Variants in ALK observed in about 807,000 individuals in gnomAD.
ALK encodes ALK receptor tyrosine kinase.
A neutral mutation model predicts 163.1 loss-of-function variants in ALK; 74 were observed. The observed-to-expected ratio is 0.45, with a 90% CI of 0.38 to 0.55. ALK has a LOEUF of 0.55. Ranked by LOEUF, ALK falls within the 20% of genes least tolerant of loss-of-function variation. The pLI is 0.00. For synonymous variants in ALK, 960 were observed against 843.2 expected (o/e 1.14, Z -2.40); for missense variants, 2,063 against 2,105.3 (o/e 0.98, Z 0.39).
At chr2:29,284,854 G>A (rs558415888) in intron 9 of ALK, among the ~76,000 whole-genome samples, 10 of 152,292 alleles carry the variant, frequency 6.6e-5, no homozygotes, top group African/African-American at 2.2e-4. Context: ...TGAGCCACCG[G>A]CCGCATCTCT....
chr2:29,475,045 C>T (rs554147445), intron 4 of ALK, among the ~76,000 whole-genome samples: 2 of 152,248 alleles, frequency 1.3e-5, no homozygotes, highest in African/African-American at 4.8e-5. Flanking sequence ...CCTGCTCCTG[C>T]ATTCCTTCTT....
intron 6 of ALK, among the ~76,000 whole-genome samples, 193 bp downstream of exon 6, chr2:29,328,157 G>A (rs748850106): frequency 3.3e-5 from 5 of 152,130 alleles, no homozygotes; most frequent in Admixed American, 6.5e-5. Flanking sequence ...ATATGACTAC[G>A]GACCAGGCTA....
At chr2:29,307,031 C>T (rs114826682) in intron 8 of ALK, among the ~76,000 whole-genome samples, 192 of 152,352 alleles carry the variant, frequency 1.3e-3, no homozygotes, top group African/African-American at 4.6e-3. Flanking sequence ...TATGTAAAGC[C>T]GGAACGGCAT....
At chr2:29,424,324 C>G (rs1670086346) in intron 4 of ALK, among the ~76,000 whole-genome samples, 1 of 152,092 alleles carries the variant, frequency 6.6e-6, no homozygotes, top group South Asian at 2.1e-4. Flanking sequence ...ACAAATTATG[C>G]AAAAATCAAG....
intron 1 of ALK, among the ~76,000 whole-genome samples, chr2:29,764,412 A>G (rs924396210): frequency 1.3e-5 from 2 of 152,214 alleles, no homozygotes; most frequent in Non-Finnish European, 2.9e-5. Flanking sequence ...AAAATTGGCC[A>G]TGGTAGGAGT....
At chr2:29,564,214 C>T (rs1020417467) in intron 3 of ALK, among the ~76,000 whole-genome samples, 3 of 151,336 alleles carry the variant, frequency 2.0e-5, no homozygotes, top group African/African-American at 7.3e-5. Flanking sequence ...CTCCCAACTC[C>T]CTGGGATAAT....
chr2:29,475,136 G>A (rs1290905494), intron 4 of ALK, among the ~76,000 whole-genome samples: 1 of 152,094 alleles, frequency 6.6e-6, no homozygotes, highest in Non-Finnish European at 1.5e-5. Flanking sequence ...CAGACAACTC[G>A]AGAGGGCGGA....
rs3738868 is a variant in ALK, at chr2:29,209,759, C to A, written c.3836+27G>T. 30,021 of 1,574,448 alleles carry A rather than the reference C, an allele frequency of 0.019. 2,975 individuals are homozygous for A. The African/African-American group carries it at 0.27, about 14-fold the overall frequency. ...GGGGCTGAGGTGGAAGAGACAGGCC[C>A]GGAGGGGTGAGGCAGTCTTTACTCA... is the stretch of plus-strand genomic sequence containing the variant. On this transcript the variant is annotated intron_variant, in intron 25 of 28. Coordinates refer to ENST00000389048, the MANE Select transcript of ALK (RefSeq NM_004304.5).
rs190500818 is a variant in ALK at position 29,456,702 on chromosome 2, G to A, written c.1155-72843C>T. Among the ~76,000 whole-genome samples, 3 of 152,142 alleles carry A rather than the reference G, an allele frequency of 2.0e-5. No individual in the cohort carries two copies. The East Asian group carries it at 5.8e-4, about 29-fold the overall frequency. On this transcript the variant is annotated intron_variant, in intron 4 of 28. Transcript: ENST00000389048. ...AACTGTACCCTTAAAATGGTTAAAT[G>A]GTAAATTTTATGTTATATGTATTTT... is the stretch of plus-strand genomic sequence containing the variant.
chr2:29,615,579 T>C (rs772063829), intron 3 of ALK, among the ~76,000 whole-genome samples: 1 of 152,232 alleles, frequency 6.6e-6, no homozygotes, highest in Non-Finnish European at 1.5e-5. Flanking sequence ...GCTCTTCTTA[T>C]AGTTTATAGT....
intron 4 of ALK, among the ~76,000 whole-genome samples, chr2:29,490,126 A>G (rs1671867120): frequency 6.6e-6 from 1 of 152,236 alleles, no homozygotes; most frequent in African/African-American, 2.4e-5. Context: ...GGCAGCGAGT[A>G]TGCCTTGATG....
intron 3 of ALK, among the ~76,000 whole-genome samples, chr2:29,652,340 A>T (rs1677060441): frequency 6.6e-6 from 1 of 152,146 alleles, no homozygotes; most frequent in Non-Finnish European, 1.5e-5. Flanking sequence ...TGAAGGAGTA[A>T]CGAGTTCTCT....
At chr2:29,424,757 T>C (rs757357528) in intron 4 of ALK, among the ~76,000 whole-genome samples, 10 of 152,036 alleles carry the variant, frequency 6.6e-5, no homozygotes, top group South Asian at 2.1e-4. Context: ...GACCATGGAG[T>C]TGAGAGAAAG....
At chr2:29,735,997 A>C (rs1323555062) in intron 1 of ALK, among the ~76,000 whole-genome samples, 3 of 152,066 alleles carry the variant, frequency 2.0e-5, no homozygotes, top group Non-Finnish European at 4.4e-5. Flanking sequence ...GTATAAGAAA[A>C]CTGAGCCATC....
At chr2:29,326,299 G>A (rs959241989) in intron 6 of ALK, among the ~76,000 whole-genome samples, 1 of 152,106 alleles carries the variant, frequency 6.6e-6, no homozygotes, top group African/African-American at 2.4e-5. Flanking sequence ...GAAGGTTCAG[G>A]GCTCTAATCT....
At chr2:29,580,366 C>T (rs1485612069) in intron 3 of ALK, among the ~76,000 whole-genome samples, 2 of 152,174 alleles carry the variant, frequency 1.3e-5, no homozygotes, top group African/African-American at 2.4e-5. Flanking sequence ...GCACTCGCTT[C>T]GGTGTCCTCT....
At chr2:29,909,317 C>A (rs990888819) in intron 1 of ALK, among the ~76,000 whole-genome samples, 9 of 152,220 alleles carry the variant, frequency 5.9e-5, no homozygotes, top group Non-Finnish European at 2.9e-5. Flanking sequence ...ATTTACCAGA[C>A]TCTGACACAG....
chr2:29,235,861 T>G (rs1204074079), intron 13 of ALK, among the ~76,000 whole-genome samples: 2 of 103,990 alleles, frequency 1.9e-5, no homozygotes, highest in Non-Finnish European at 3.9e-5. Flanking sequence ...CTCGACTTTT[T>G]TTTTTTTTTT....
intron 9 of ALK, among the ~76,000 whole-genome samples, chr2:29,290,232 T>G (rs971866461): frequency 3.9e-5 from 6 of 152,156 alleles, no homozygotes; most frequent in African/African-American, 1.4e-4. Flanking sequence ...TCAGCTGAAA[T>G]TAGGGAATGA....
Sources: gnomAD v4.1 joint callset for allele counts (sites outside exome capture counted in the v4.1 genomes callset) on GRCh38, gnomAD v4.1.1 for gene constraint, MANE v1.5 for transcripts, NCBI Gene and HGNC (gene_info 2026-07-23, HGNC 2026-07-21) for gene names.